The following ERBB4 variants were observed in gnomAD, a reference collection of about 807,000 sequenced individuals.
The protein encoded by ERBB4 is receptor tyrosine-protein kinase erbB-4.
Under a neutral mutation model 158.0 loss-of-function variants are expected in ERBB4, and 42 were observed. The observed-to-expected ratio is 0.27, with a 90% CI of 0.21 to 0.34. The LOEUF is 0.34. Ranked by LOEUF, ERBB4 falls within the 10% of genes least tolerant of loss-of-function variation. The pLI, the probability that ERBB4 is intolerant of heterozygous loss-of-function variation, is 1.00. For synonymous variants in ERBB4, 583 were observed against 558.7 expected (o/e 1.04, Z -0.61); for missense variants, 1,333 against 1,624.1 (o/e 0.82, Z 3.08).
intron 2 of ERBB4, among the ~76,000 whole-genome samples, chr2:212,094,574 T>TA (rs947264579): frequency 0.022 from 3,256 of 147,986 alleles, 122 homozygotes; most frequent in African/African-American, 0.077. Flanking sequence ...AATAAAAAAA[T>TA]AAAAAAAAAA....
chr2:212,256,565 A>AT (rs1455648118), intron 1 of ERBB4, among the ~76,000 whole-genome samples: 2 of 152,186 alleles, frequency 1.3e-5, no homozygotes, highest in Admixed American at 1.3e-4. Context: ...TTAAACATTT[A>AT]TTAAGGATCT....
chr2:212,152,846 C>T (rs770079123), intron 1 of ERBB4, among the ~76,000 whole-genome samples: 2 of 152,152 alleles, frequency 1.3e-5, no homozygotes, highest in African/African-American at 4.8e-5. Context: ...AGGAAGAATG[C>T]TGAGTTATGA....
intron 7 of ERBB4, among the ~76,000 whole-genome samples, chr2:211,713,930 G>A (rs111235824): frequency 7.9e-5 from 12 of 152,228 alleles, no homozygotes; most frequent in South Asian, 2.1e-4. Flanking sequence ...AGGAAACTAC[G>A]TGACATTTAG....
intron 20 of ERBB4, among the ~76,000 whole-genome samples, chr2:211,446,389 G>A (rs947996020): frequency 1.3e-5 from 2 of 152,210 alleles, no homozygotes; most frequent in African/African-American, 4.8e-5. Context: ...GCAGGTAAGT[G>A]AGACAGGAGG....
At chr2:211,856,679 G>C (rs867895280) in intron 3 of ERBB4, among the ~76,000 whole-genome samples, 1 of 152,058 alleles carries the variant, frequency 6.6e-6, no homozygotes, top group African/African-American at 2.4e-5. Context: ...GAGCCACTGC[G>C]CCCAGCCTAG....
chr2:212,229,938 C>T lies in ERBB4; in HGVS notation c.83-105035G>A, dbSNP rs368980204. ...TAAGAGGAAGATTATGACTGTTGGCCAATACCTAAGCAAAATGCGATAGAA... is the reference window on the plus strand; with the variant it reads ...TAAGAGGAAGATTATGACTGTTGGCTAATACCTAAGCAAAATGCGATAGAA... On this transcript the variant is annotated intron_variant, in intron 1 of 27. Coordinates refer to ENST00000342788, the MANE Select transcript of ERBB4 (RefSeq NM_005235.3). 3.3e-5 allele frequency among the ~76,000 whole-genome samples: 5 copies of T among 152,064 alleles called. No individual in the cohort carries two copies. The South Asian group carries it at 1.0e-3, about 32-fold the overall frequency.
intron 3 of ERBB4, among the ~76,000 whole-genome samples, chr2:211,831,903 C>CA (rs5838287): frequency 0.26 from 38,529 of 146,738 alleles, 5,856 homozygotes; most frequent in East Asian, 0.42. Context: ...GACTCTGTCT[C>CA]AAAAAAAAAA....
chr2:211,892,497 C>T (rs1282136156), intron 3 of ERBB4, among the ~76,000 whole-genome samples: 4 of 136,124 alleles, frequency 2.9e-5, no homozygotes, highest in Non-Finnish European at 4.7e-5. Flanking sequence ...AAAACTGGCA[C>T]AAGACAGGGA....
intron 11 of ERBB4, among the ~76,000 whole-genome samples, chr2:211,703,474 C>T (rs34478935): frequency 0.13 from 19,883 of 152,034 alleles, 1,474 homozygotes; most frequent in South Asian, 0.2. Context: ...CTTAAATAGA[C>T]AAATTTAAAA....
intron 1 of ERBB4, among the ~76,000 whole-genome samples, chr2:212,284,272 T>C (rs1366232851): frequency 1.3e-5 from 2 of 152,096 alleles, no homozygotes; most frequent in African/African-American, 2.4e-5. Context: ...TGTCCATTCT[T>C]GCCCTCCTTC....
chr2:211,829,675 A>G (rs913401914), intron 3 of ERBB4, among the ~76,000 whole-genome samples: 2 of 152,182 alleles, frequency 1.3e-5, no homozygotes, highest in African/African-American at 4.8e-5. Flanking sequence ...AAATGAAAAA[A>G]GAATTCACTC....
intron 20 of ERBB4, among the ~76,000 whole-genome samples, chr2:211,486,981 GTTTT>G (rs201552066): frequency 5.3e-5 from 8 of 151,522 alleles, no homozygotes; most frequent in Non-Finnish European, 8.8e-5. Context: ...TTTAAAATAT[GTTTT>G]TTTCTTTTTT....
At chr2:211,978,121 G>C (rs1330098427) in intron 2 of ERBB4, among the ~76,000 whole-genome samples, 1 of 151,330 alleles carries the variant, frequency 6.6e-6, no homozygotes, top group African/African-American at 2.4e-5. Flanking sequence ...TAGTCTTTAT[G>C]GTCCCTGGGC....
intron 3 of ERBB4, among the ~76,000 whole-genome samples, chr2:211,935,141 C>CATTACTTAAT (rs2080285274): frequency 6.6e-6 from 1 of 152,028 alleles, no homozygotes; most frequent in Non-Finnish European, 1.5e-5. Context: ...ATTGTATGCC[C>CATTACTTAAT]TCCTTGTGGT....
At chr2:212,077,914 T>C (rs1462897509) in intron 2 of ERBB4, among the ~76,000 whole-genome samples, 1 of 152,050 alleles carries the variant, frequency 6.6e-6, no homozygotes, top group Non-Finnish European at 1.5e-5. Context: ...ACAAAGCCTA[T>C]TATTCTGGTG....
chr2:212,341,993 T>C (rs1382061981), intron 1 of ERBB4, among the ~76,000 whole-genome samples: 2 of 152,098 alleles, frequency 1.3e-5, no homozygotes, highest in African/African-American at 4.8e-5. Flanking sequence ...ACATGGTGGT[T>C]CAGACCTGTA....
chr2:211,787,192 A>G (rs1311361307), intron 4 of ERBB4, among the ~76,000 whole-genome samples: 2 of 152,206 alleles, frequency 1.3e-5, no homozygotes, highest in Non-Finnish European at 2.9e-5. Flanking sequence ...CAGGTGGGAA[A>G]TATATAATAG....
At chr2:212,427,218 A>G (rs2091933563) in intron 1 of ERBB4, among the ~76,000 whole-genome samples, 1 of 152,176 alleles carries the variant, frequency 6.6e-6, no homozygotes, top group Non-Finnish European at 1.5e-5. Context: ...TATCATTACT[A>G]TGCAAATAGA....
chr2:211,604,694 A>C (rs1199368614), intron 19 of ERBB4, among the ~76,000 whole-genome samples: 1 of 152,210 alleles, frequency 6.6e-6, no homozygotes, highest in Non-Finnish European at 1.5e-5. Flanking sequence ...TGGTTGACTT[A>C]AATATCAGAA....
Sources: gnomAD v4.1 joint callset for allele counts (sites outside exome capture counted in the v4.1 genomes callset) on GRCh38, gnomAD v4.1.1 for gene constraint, MANE v1.5 for transcripts, NCBI Gene and HGNC (gene_info 2026-07-23, HGNC 2026-07-21) for gene names.